The following ARB2A variants were observed in gnomAD, a reference collection of about 807,000 sequenced individuals.
ARB2A encodes the protein ARB2 cotranscriptional regulator A.
the ARB2A span, among the ~76,000 whole-genome samples, chr5:93,638,078 T>G: frequency 2.0e-5 from 3 of 152,248 alleles, no homozygotes; most frequent in Admixed American, 2.0e-4. Flanking sequence ...TGTCCATGAT[T>G]CAACTGAGAG....
the ARB2A span, among the ~76,000 whole-genome samples, chr5:93,887,104 T>G: frequency 1.3e-5 from 2 of 151,656 alleles, no homozygotes; most frequent in Non-Finnish European, 2.9e-5. Context: ...TTAATCAAGC[T>G]GTCAAAGAGA....
the ARB2A span, among the ~76,000 whole-genome samples, chr5:93,759,750 T>C: frequency 6.6e-6 from 1 of 152,102 alleles, no homozygotes; most frequent in South Asian, 2.1e-4. Context: ...CATACCTTAA[T>C]GTAATAAAAG....
At chr5:93,953,627 G>A in the ARB2A span, among the ~76,000 whole-genome samples, 1 of 151,962 alleles carries the variant, frequency 6.6e-6, no homozygotes. Context: ...TCTCACCTAC[G>A]GCCTGCAGTA....
the ARB2A span, among the ~76,000 whole-genome samples, chr5:93,950,341 C>T: frequency 6.6e-6 from 1 of 152,146 alleles, no homozygotes; most frequent in Admixed American, 6.5e-5. Flanking sequence ...CAACAGTGTA[C>T]AAAGGTTTCC....
chr5:93,807,542 T>G, the ARB2A span, among the ~76,000 whole-genome samples: 6 of 151,994 alleles, frequency 3.9e-5, no homozygotes, highest in Non-Finnish European at 5.9e-5. Flanking sequence ...CATAAAGCAA[T>G]GCATGTCCCA....
chr5:93,673,583 A>C, the ARB2A span, among the ~76,000 whole-genome samples: 1 of 152,192 alleles, frequency 6.6e-6, no homozygotes, highest in South Asian at 2.1e-4. Context: ...GCCCACAAAC[A>C]GCCCATAGAG....
the ARB2A span, among the ~76,000 whole-genome samples, chr5:93,797,720 T>C: frequency 2.6e-5 from 4 of 152,130 alleles, no homozygotes; most frequent in South Asian, 2.1e-4. Flanking sequence ...TGAGTGTTAA[T>C]AATATAAAAG....
chr5:93,786,429 T>A, the ARB2A span, among the ~76,000 whole-genome samples: 1 of 152,210 alleles, frequency 6.6e-6, no homozygotes, highest in Non-Finnish European at 1.5e-5. Context: ...ACTGTCACAT[T>A]ATAATCCAAT....
chr5:93,666,185 A>G, the ARB2A span, among the ~76,000 whole-genome samples: 2 of 152,258 alleles, frequency 1.3e-5, no homozygotes, highest in African/African-American at 4.8e-5. Flanking sequence ...ACAAGATACC[A>G]GGGTAGGTAT....
At chr5:93,631,364 CTCTTG>C in the ARB2A span, among the ~76,000 whole-genome samples, 1 of 152,168 alleles carries the variant, frequency 6.6e-6, no homozygotes, top group Admixed American at 6.6e-5. Context: ...TTGGTTTTAA[CTCTTG>C]TCTTATCTCA....
chr5:93,901,772 G>C, the ARB2A span, among the ~76,000 whole-genome samples: 1 of 152,018 alleles, frequency 6.6e-6, no homozygotes, highest in Non-Finnish European at 1.5e-5. Context: ...ATGTACAAGG[G>C]AATAGCTTAC....
the ARB2A span, among the ~76,000 whole-genome samples, chr5:94,081,260 C>T: frequency 6.6e-6 from 1 of 152,102 alleles, no homozygotes; most frequent in Admixed American, 6.6e-5. Flanking sequence ...TATGATGCAG[C>T]CACTTTAGAA....
At chr5:94,074,536 G>A in the ARB2A span, 2 of 748,418 alleles carry the variant, frequency 2.7e-6, no homozygotes, top group Non-Finnish European at 2.1e-6. Flanking sequence ...AATACTTTAG[G>A]TACTTATATT....
chr5:93,642,374 A>AT, the ARB2A span, among the ~76,000 whole-genome samples: 1 of 151,040 alleles, frequency 6.6e-6, no homozygotes, highest in Non-Finnish European at 1.5e-5. Flanking sequence ...TACCTGGCTA[A>AT]TTTTTTATTT....
chr5:94,067,509 A>G, the ARB2A span, among the ~76,000 whole-genome samples: 128 of 152,324 alleles, frequency 8.4e-4, no homozygotes, highest in African/African-American at 2.9e-3. Flanking sequence ...CAACATAGAA[A>G]AATCATTAGT....
chr5:93,988,755 T>C, the ARB2A span, among the ~76,000 whole-genome samples: 6 of 152,060 alleles, frequency 3.9e-5, no homozygotes, highest in African/African-American at 1.4e-4. Flanking sequence ...TGACATAAGG[T>C]CCTTTAATAA....
chr5:93,854,215 TTTC>T, the ARB2A span, among the ~76,000 whole-genome samples: 1 of 152,352 alleles, frequency 6.6e-6, no homozygotes, highest in South Asian at 2.1e-4. Flanking sequence ...AATTTATCCA[TTTC>T]TTCTAGATTT....
chr5:93,627,438 G>GTTTTTTTTTTT, the ARB2A span, among the ~76,000 whole-genome samples: 1 of 108,086 alleles, frequency 9.3e-6, no homozygotes, highest in African/African-American at 4.0e-5. Context: ...TACAAAATGT[G>GTTTTTTTTTTT]TTTTGTTTTT....
the ARB2A span, among the ~76,000 whole-genome samples, chr5:93,813,552 T>C: frequency 2.6e-5 from 4 of 152,088 alleles, no homozygotes; most frequent in African/African-American, 9.7e-5. Flanking sequence ...GAACAAACAT[T>C]TGATAAGGAG....
Sources: gnomAD v4.1 joint callset for allele counts (sites outside exome capture counted in the v4.1 genomes callset) on GRCh38, gnomAD v4.1.1 for gene constraint, MANE v1.5 for transcripts, NCBI Gene and HGNC (gene_info 2026-07-23, HGNC 2026-07-21) for gene names.